The following VAMP7 variants were observed in gnomAD, a reference collection of about 807,000 sequenced individuals.
The protein encoded by VAMP7 is vesicle associated membrane protein 7, also known as vesicle-associated membrane protein 7.
Under a neutral mutation model 29.6 loss-of-function variants are expected in VAMP7, and 14 were observed. The ratio of observed to expected loss-of-function variants is 0.47; its 90% CI spans 0.31 to 0.74. The LOEUF (loss-of-function observed/expected upper bound fraction) is 0.74, where lower values mean the gene tolerates loss of function less well. Ranked by LOEUF, VAMP7 falls within the 30% of genes least tolerant of loss-of-function variation. The pLI is 0.05. For synonymous variants in VAMP7, 95 were observed against 88.1 expected, an observed-to-expected ratio of 1.08 and a Z score of -0.44; for missense variants, 223 against 262.4, an observed-to-expected ratio of 0.85 and a Z score of 1.04.
Position 155,904,124 on chromosome X carries a change from A to G in VAMP7, c.433+3537A>G, listed in dbSNP as rs149062694. ...GCAAGAACAAAAAACCAAACACCGC[A>G]TGTTCTCACTCATAGGTGAGAATTG... On this transcript the variant is annotated intron_variant, in intron 5 of 7. Transcript: ENST00000286448. Among the ~76,000 whole-genome samples the G allele has an allele frequency of 6.4e-3, 949 of 147,898 alleles. 13 individuals are homozygous for G. Among genetic ancestry groups the G allele is most frequent in the African/African-American group, 0.022 (906 of 40,492 alleles).
At chrX:155,937,492 A>G (rs1337771629) in intron 6 of VAMP7, among the ~76,000 whole-genome samples, 2 of 152,226 alleles carry the variant, frequency 1.3e-5, no homozygotes, top group Non-Finnish European at 2.9e-5. Flanking sequence ...TAATTTCACA[A>G]TGTGTACATT....
intron 6 of VAMP7, among the ~76,000 whole-genome samples, chrX:155,938,464 A>G (rs373191122): frequency 0.44 from 399 of 908 alleles, no homozygotes; most frequent in African/African-American, 0.48. Flanking sequence ...GTGAAGTATA[A>G]TATACATAAA....
chrX:155,899,882 C>T (rs1326221782), intron 4 of VAMP7, among the ~76,000 whole-genome samples: 2 of 151,960 alleles, frequency 1.3e-5, no homozygotes, highest in African/African-American at 4.8e-5. Context: ...AATAATATCC[C>T]GTTTGAAGCA....
intron 6 of VAMP7, among the ~76,000 whole-genome samples, chrX:155,930,166 T>A (rs180841973): frequency 1.3e-5 from 2 of 151,886 alleles, no homozygotes; most frequent in African/African-American, 4.8e-5. Context: ...GTGTTCAGAG[T>A]TTTTATTGGG....
chrX:155,933,890 G>T (rs1209872232), intron 6 of VAMP7, among the ~76,000 whole-genome samples: 1 of 152,080 alleles, frequency 6.6e-6, no homozygotes, highest in South Asian at 2.1e-4. Flanking sequence ...AGAGATTCTG[G>T]TATGTTGTGT....
intron 6 of VAMP7, among the ~76,000 whole-genome samples, chrX:155,931,644 T>C (rs971858452): frequency 3.9e-5 from 6 of 152,206 alleles, no homozygotes; most frequent in South Asian, 2.1e-4. Context: ...TGCAAAACTT[T>C]TCTCCCACTC....
chrX:155,885,056 T>A (rs1240623103), intron 1 of VAMP7, among the ~76,000 whole-genome samples: 1 of 152,204 alleles, frequency 6.6e-6, no homozygotes, highest in Non-Finnish European at 1.5e-5. Context: ...TATCATTTTA[T>A]TAACTTTTAA....
intron 5 of VAMP7, among the ~76,000 whole-genome samples, chrX:155,909,199 C>G (rs2066197732): frequency 6.6e-6 from 1 of 152,076 alleles, no homozygotes; most frequent in Admixed American, 6.6e-5. Flanking sequence ...CTTCTTGAGT[C>G]TGTTTAGCAG....
intron 5 of VAMP7, among the ~76,000 whole-genome samples, chrX:155,909,640 T>G (rs1172916020): frequency 1.3e-5 from 2 of 152,206 alleles, no homozygotes; most frequent in Admixed American, 6.5e-5. Flanking sequence ...ACGTAGTGAC[T>G]TAAACAACAG....
chrX:155,897,780 C>G (rs751311755), intron 3 of VAMP7, among the ~76,000 whole-genome samples: 2 of 152,082 alleles, frequency 1.3e-5, no homozygotes, highest in Non-Finnish European at 2.9e-5. Flanking sequence ...GCTGGGCCTT[C>G]TAATAGATCT....
chrX:155,881,578 G>C (rs1381849065), intron 1 of VAMP7, 130 bp downstream of exon 1: 1 of 152,588 alleles, frequency 6.6e-6, no homozygotes, highest in African/African-American at 2.4e-5. Context: ...CTCTGGTGTC[G>C]ACAGTTCCAG....
chrX:155,939,571 A>G (rs1315590675), intron 6 of VAMP7, 130 bp from the exon 7 acceptor site: 3 of 733,184 alleles, frequency 4.1e-6, no homozygotes, highest in Non-Finnish European at 7.4e-6. Context: ...ATGAATGGCC[A>G]GTCTCTACTT....
chrX:155,904,152 C>T (rs1408510021), intron 5 of VAMP7, among the ~76,000 whole-genome samples: 4 of 136,262 alleles, frequency 2.9e-5, no homozygotes, highest in Non-Finnish European at 4.5e-5. Flanking sequence ...GAGAATTGAA[C>T]AATGAGAACA....
chrX:155,887,122 C>G (rs985828340), intron 1 of VAMP7, among the ~76,000 whole-genome samples: 1 of 152,160 alleles, frequency 6.6e-6, no homozygotes, highest in African/African-American at 2.4e-5. Context: ...GGCTTCTGGG[C>G]CACCACACTT....
At chrX:155,915,808 G>T (rs970339190) in intron 5 of VAMP7, among the ~76,000 whole-genome samples, 29 of 152,172 alleles carry the variant, frequency 1.9e-4, no homozygotes, top group African/African-American at 7.0e-4. Context: ...TAGAATAAGT[G>T]CAATGTGGTG....
chrX:155,909,931 T>C (rs1419466174), intron 5 of VAMP7, among the ~76,000 whole-genome samples: 1 of 152,206 alleles, frequency 6.6e-6, no homozygotes, highest in African/African-American at 2.4e-5. Flanking sequence ...CAAGAATTTA[T>C]TTCTGTGTGA....
At chrX:155,936,030 C>T (rs1465088498) in intron 6 of VAMP7, among the ~76,000 whole-genome samples, 1 of 151,788 alleles carries the variant, frequency 6.6e-6, no homozygotes, top group Non-Finnish European at 1.5e-5. Flanking sequence ...TGCTGAACAC[C>T]AAATGTTGCT....
intron 7 of VAMP7, 42 bp downstream of exon 7, chrX:155,939,835 C>G (rs2066717816): frequency 6.9e-7 from 1 of 1,458,070 alleles, no homozygotes; most frequent in African/African-American, 1.4e-5. Flanking sequence ...ATTTTTCAAT[C>G]TCTAAGAAAT....
chrX:155,906,885 T>C (rs1373424558), intron 5 of VAMP7, among the ~76,000 whole-genome samples: 1 of 152,200 alleles, frequency 6.6e-6, no homozygotes, highest in African/African-American at 2.4e-5. Context: ...CATTGTCTTA[T>C]TCCTGCTCTT....
Sources: allele counts gnomAD v4.1 joint callset (sites outside exome capture counted in the v4.1 genomes callset), GRCh38; gene constraint gnomAD v4.1.1; transcripts MANE v1.5; gene names NCBI Gene and HGNC (gene_info 2026-07-23, HGNC 2026-07-21).